Variants in SEC23IP observed in about 807,000 individuals in gnomAD.
The protein encoded by SEC23IP is SEC23 interacting protein, also known as SEC23-interacting protein.
In SEC23IP, 70 loss-of-function variants were observed where a neutral mutation model predicts 113.4. The observed-to-expected ratio is 0.62, with a 90% CI of 0.51 to 0.75. The LOEUF is 0.75. Ranked by LOEUF, SEC23IP falls within the 30% of genes least tolerant of loss-of-function variation. The pLI is 0.00. For synonymous variants in SEC23IP, 398 were observed against 421.0 expected (o/e 0.95, Z 0.67); for missense variants, 1,160 against 1,204.9 (o/e 0.96, Z 0.55).
chr10:119,910,514 TA>T (rs1312534264), intron 5 of SEC23IP, among the ~76,000 whole-genome samples: 2 of 152,160 alleles, frequency 1.3e-5, no homozygotes, highest in African/African-American at 2.4e-5. Flanking sequence ...GAAAAGTATA[TA>T]AAAAACTTAT....
At position 119,909,087 on chromosome 10, in the gene SEC23IP, T is replaced by A; in HGVS notation, c.1148T>A (p.Leu383Ter). ...ACCACTAATCAGTGGCACCGAAGAT[T>A]AGAGTTTCCAAGTGGAGAGACAATT... ...AVTTNQWHRR[L>*]EFPSGETIVM... is the part of the protein sequence containing the mutation. Residue 383 changes from leucine to a stop codon, truncating the protein, a stop_gained, in exon 5 of 19, where the codon TTA (leucine) becomes TAA (stop). Coordinates refer to ENST00000369075, the MANE Select transcript of SEC23IP (RefSeq NM_007190.4). LOFTEE classifies it high-confidence loss of function. 1 of 1,613,326 alleles carries A rather than the reference T, an allele frequency of 6.2e-7. No homozygotes were observed. Among genetic ancestry groups the A allele is most frequent in the Non-Finnish European group, 8.5e-7 (1 of 1,179,658 alleles).
chr10:119,920,832 C>A, intron 11 of SEC23IP, 57 bp from the exon 12 acceptor site: 2 of 1,167,658 alleles, frequency 1.7e-6, no homozygotes, highest in South Asian at 1.4e-5. Flanking sequence ...TTCATATTCT[C>A]ATTTCAGTTC....
chr10:119,898,899 TC>T lies in SEC23IP; in HGVS notation c.638del (p.Pro213LeufsTer67). 1 of 1,603,952 alleles carries T rather than the reference TC, an allele frequency of 6.2e-7. No homozygotes were observed. Among genetic ancestry groups the T allele is most frequent in the South Asian group, 1.1e-5 (1 of 90,984 alleles). Reference sequence around the variant, plus strand: ...GCCAAACACCAGGCCCTCCTGCTCATCCTCCACCTTCTGGACCCCCTGTTCA... The same window carrying T: ...GCCAAACACCAGGCCCTCCTGCTCATCTCCACCTTCTGGACCCCCTGTTCA... ...QCQTPGPPAH[P>X]PPSGPPVQMY... On this transcript the variant is annotated frameshift_variant, in exon 2 of 19. Coordinates refer to ENST00000369075, the MANE Select transcript of SEC23IP (RefSeq NM_007190.4). LOFTEE classifies it high-confidence loss of function.
Position 119,944,647 on chromosome 10 carries a change from T to G in SEC23IP, c.*4082T>G, listed in dbSNP as rs1856034279. 1 of 152,186 alleles carries G rather than the reference T, an allele frequency of 6.6e-6. No homozygotes were observed. The highest frequency in any genetic ancestry group is 2.4e-5 in the African/African-American group (1 of 41,432). 9.4% of individuals were successfully genotyped at this position (152,186 alleles called of 1,614,324 possible). A position where few individuals can be genotyped will look rare whatever the true frequency, so the allele number is the denominator to read the frequency against. On this transcript the variant is annotated 3_prime_UTR_variant, in exon 19 of 19. Transcript: ENST00000369075. ...TTGAGTGTGATTTTCATTAAACAAT[T>G]TTTAAAGAAAGCATTTCTAGTGGTG... is the stretch of plus-strand genomic sequence containing the variant.
chr10:119,913,087 C>A (rs1854922529), intron 6 of SEC23IP, among the ~76,000 whole-genome samples: 2 of 152,206 alleles, frequency 1.3e-5, no homozygotes, highest in Non-Finnish European at 1.5e-5. Context: ...TCCCCCCGAC[C>A]CTTCCCAGGC....
intron 18 of SEC23IP, among the ~76,000 whole-genome samples, chr10:119,937,642 A>C (rs1351875948): frequency 1.3e-5 from 2 of 152,034 alleles, no homozygotes; most frequent in East Asian, 1.9e-4. Context: ...AAAAACAAAA[A>C]AACAAAAAAC....
At chr10:119,925,121 T>TG (rs1855377453) in intron 12 of SEC23IP, among the ~76,000 whole-genome samples, 2 of 152,334 alleles carry the variant, frequency 1.3e-5, no homozygotes, top group African/African-American at 4.8e-5. Context: ...CACGATTGTA[T>TG]GCACTTGTGT....
intron 1 of SEC23IP, among the ~76,000 whole-genome samples, chr10:119,898,024 A>AT (rs1277582440): frequency 4.0e-4 from 61 of 151,524 alleles, no homozygotes; most frequent in African/African-American, 1.4e-3. Context: ...TAAAAAAAAA[A>AT]AAATAAATAA....
chr10:119,904,221 G>A lies in SEC23IP; in HGVS notation c.1045G>A (p.Gly349Arg), dbSNP rs1466672470. The change falls in exon 4 of 19, where the codon GGG becomes AGG. Residue 349 changes from glycine (G) to arginine (R), a missense_variant. Physicochemically the swap from Gly to Arg is moderately radical, Grantham distance 125 (BLOSUM62 -2). Transcript: ENST00000369075. ...EVRRCTWFYKGDTDSRFIPYT... is the reference protein window; with the variant it reads ...EVRRCTWFYKRDTDSRFIPYT... ...GAGACGCTGTACTTGGTTTTACAAG[G>A]GGGACACAGATAGTCGATTTATTCC... is the stretch of plus-strand genomic sequence containing the variant. The A allele has an allele frequency of 6.2e-7, 1 of 1,614,158 alleles. No homozygotes were observed. The highest frequency in any genetic ancestry group is 1.7e-5 in the Admixed American group (1 of 60,018).
chr10:119,939,184 T>C (rs769386943), intron 18 of SEC23IP, among the ~76,000 whole-genome samples: 2 of 151,704 alleles, frequency 1.3e-5, no homozygotes, highest in Non-Finnish European at 2.9e-5. Context: ...TGGGGCATGA[T>C]GGTGTGCACC....
intron 11 of SEC23IP, 66 bp from the exon 12 acceptor site, chr10:119,920,823 T>G (rs1397219957): frequency 3.6e-6 from 4 of 1,103,018 alleles, no homozygotes; most frequent in African/African-American, 1.6e-5. Flanking sequence ...TTTATAATTT[T>G]CATATTCTCA....
In SEC23IP at chr10:119,926,149, A is replaced by C. The variant is rs200214234; in HGVS notation, c.2235A>C (p.Pro745=). The change falls in exon 13 of 19, where the codon CCA becomes CCC. Residue 745 remains proline, a synonymous_variant. Coordinates refer to ENST00000369075, the MANE Select transcript of SEC23IP (RefSeq NM_007190.4). ...MASLPSESNE[P]KRKLPVGACV... ...CCCTCCCCTCAGAATCCAATGAGCC[A>C]AAGAGGAAACTTCCAGTTGGTGCTT... 9 of 1,614,032 alleles carry C rather than the reference A, an allele frequency of 5.6e-6. No individual in the cohort carries two copies. The South Asian group carries it at 9.9e-5, about 18-fold the overall frequency.
intron 4 of SEC23IP, among the ~76,000 whole-genome samples, chr10:119,907,272 G>T (rs1854705148): frequency 6.6e-6 from 1 of 151,746 alleles, no homozygotes; most frequent in African/African-American, 2.4e-5. Context: ...CTCCAACCTG[G>T]GTGACAGAGT....
rs748839444 is a variant in SEC23IP, at chr10:119,941,476, C to T, written c.*911C>T. ...ATAAGGCTACTTCATGACAAGACTG[C>T]TTTGTAATATTTCACTTTGTTTTAC... is the stretch of plus-strand genomic sequence containing the variant. On this transcript the variant is annotated 3_prime_UTR_variant, in exon 19 of 19. Coordinates refer to ENST00000369075, the MANE Select transcript of SEC23IP (RefSeq NM_007190.4). The T allele has an allele frequency of 6.6e-6, 1 of 152,224 alleles. No homozygotes were observed. The highest frequency in any genetic ancestry group is 1.5e-5 in the Non-Finnish European group (1 of 68,036). 9.4% of individuals were successfully genotyped at this position (152,224 alleles called of 1,614,324 possible). A position where few individuals can be genotyped will look rare whatever the true frequency, so the allele number is the denominator to read the frequency against.
At chr10:119,908,571 G>A (rs998139342) in intron 4 of SEC23IP, among the ~76,000 whole-genome samples, 1 of 152,146 alleles carries the variant, frequency 6.6e-6, no homozygotes, top group Non-Finnish European at 1.5e-5. Flanking sequence ...TGATGATGGA[G>A]GCAAAGGCTG....
At chr10:119,926,368 T>G in intron 13 of SEC23IP, 141 bp downstream of exon 13, 1 of 870,734 alleles carries the variant, frequency 1.1e-6, no homozygotes, top group East Asian at 2.7e-5. Context: ...TTAGTGAAAA[T>G]TTTTTTCTTC....
intron 1 of SEC23IP, 74 bp from the exon 2 acceptor site, chr10:119,898,353 C>A: frequency 6.9e-7 from 1 of 1,452,888 alleles, no homozygotes. Context: ...TAATTGCTAG[C>A]CCTTCCTTAT....
At position 119,912,173 on chromosome 10, in the gene SEC23IP, A is replaced by G; in HGVS notation, c.1312+9A>G. On this transcript the variant is annotated intron_variant, in intron 6 of 18. Transcript: ENST00000369075. The stretch of plus-strand genomic sequence containing the variant: ...TGATGAAATTCCCGACGGTGTGTAT[A>G]GTTTGTTTAGAACTGAGGTCTGTTT... 6.2e-7 allele frequency: 1 copy of G among 1,613,714 alleles called. No individual in the cohort carries two copies. Among genetic ancestry groups the G allele is most frequent in the East Asian group, 2.2e-5 (1 of 44,850 alleles).
At position 119,906,985 on chromosome 10, in the gene SEC23IP, C is replaced by T. The variant is rs573095221; in HGVS notation, c.1102-2056C>T. On this transcript the variant is annotated intron_variant, in intron 4 of 18. Coordinates refer to ENST00000369075, the MANE Select transcript of SEC23IP (RefSeq NM_007190.4). Reference sequence around the variant, plus strand: ...TTTGAAGTTTTTTTTTTTTTTAAATCGAAGAGGAGGGTCAGAAGTACAAAA... The same window carrying T: ...TTTGAAGTTTTTTTTTTTTTTAAATTGAAGAGGAGGGTCAGAAGTACAAAA... 2.2e-4 allele frequency among the ~76,000 whole-genome samples: 32 copies of T among 146,354 alleles called. No individual in the cohort carries two copies. In the South Asian group the frequency reaches 6.3e-3, roughly 29 times the overall value.
Sources: gnomAD v4.1 joint callset for allele counts (sites outside exome capture counted in the v4.1 genomes callset) on GRCh38, gnomAD v4.1.1 for gene constraint, MANE v1.5 for transcripts, NCBI Gene and HGNC (gene_info 2026-07-23, HGNC 2026-07-21) for gene names.